Variants in NEO1 observed in about 807,000 individuals in gnomAD.
NEO1 encodes neogenin.
A neutral mutation model predicts 159.7 loss-of-function variants in NEO1; 63 were observed. The ratio of observed to expected loss-of-function variants is 0.39; its 90% CI spans 0.32 to 0.49. The LOEUF (loss-of-function observed/expected upper bound fraction) is 0.49, where lower values mean the gene tolerates loss of function less well. NEO1 is among the 20% of genes least tolerant of loss of function. NEO1 has a pLI of 0.85. For missense variants in NEO1, 1,615 were observed against 1,831.0 expected, an observed-to-expected ratio of 0.88 and a Z score of 2.15; for synonymous variants, 633 against 662.0, an observed-to-expected ratio of 0.96 and a Z score of 0.67.
chr15:73,253,394 C>G lies in NEO1; in HGVS notation c.1895-6C>G. 1 of 1,386,888 alleles carries G rather than the reference C, an allele frequency of 7.2e-7. No homozygotes were observed. Among genetic ancestry groups the G allele is most frequent in the Non-Finnish European group, 9.7e-7 (1 of 1,032,820 alleles). The allele number at this position is 1,386,888 out of a possible 1,614,324, so 85.9% of individuals were successfully genotyped here. A position where few individuals can be genotyped will look rare whatever the true frequency, so the allele number is the denominator to read the frequency against. On this transcript the variant is annotated splice_region_variant and splice_polypyrimidine_tract_variant and intron_variant, in intron 11 of 28. Transcript: ENST00000261908. Reference sequence around the variant, plus strand: ...AAAAATTTTTTTTTTTTTTTTGTTTCTCTAGTTCCCAGTGCTGCTCCTCAG... The same window carrying G: ...AAAAATTTTTTTTTTTTTTTTGTTTGTCTAGTTCCCAGTGCTGCTCCTCAG...
chr15:73,175,379 G>C (rs939474816), intron 5 of NEO1, among the ~76,000 whole-genome samples: 5 of 152,204 alleles, frequency 3.3e-5, no homozygotes, highest in Admixed American at 1.3e-4. Context: ...ATCTAACAGA[G>C]CATGAATGAG....
chr15:73,259,956 C>G (rs2040543859), intron 14 of NEO1, among the ~76,000 whole-genome samples: 2 of 152,102 alleles, frequency 1.3e-5, no homozygotes, highest in Non-Finnish European at 2.9e-5. Flanking sequence ...GAGATGGTAA[C>G]TATTGAAAGG....
chr15:73,146,338 C>T (rs1482446712), intron 5 of NEO1, among the ~76,000 whole-genome samples: 2 of 152,120 alleles, frequency 1.3e-5, no homozygotes, highest in Admixed American at 6.5e-5. Flanking sequence ...ACATATTCTC[C>T]GTACTTCTGG....
In NEO1 at chr15:73,225,178, G is replaced by A. The variant is rs114713576; in HGVS notation, c.1292-11169G>A. 9.0e-3 allele frequency among the ~76,000 whole-genome samples: 1,363 copies of A among 152,230 alleles called. 23 individuals carry two copies. Among genetic ancestry groups the A allele is most frequent in the African/African-American group, 0.031 (1,285 of 41,540 alleles). ...AACCGTCTATGGGTTTCTCAGCTGCGGATACCAGCACCTGTTCCAGTGGAG... is the reference window on the plus strand; with the variant it reads ...AACCGTCTATGGGTTTCTCAGCTGCAGATACCAGCACCTGTTCCAGTGGAG... On this transcript the variant is annotated intron_variant, in intron 7 of 28. Coordinates refer to ENST00000261908, the MANE Select transcript of NEO1 (RefSeq NM_002499.4).
In NEO1 at chr15:73,077,952, G is replaced by A. The variant is rs866646899; in HGVS notation, c.130+25147G>A. Among the ~76,000 whole-genome samples the A allele has an allele frequency of 2.0e-5, 3 of 152,294 alleles. No individual in the cohort carries two copies. The South Asian group carries it at 6.2e-4, about 32-fold the overall frequency. On this transcript the variant is annotated intron_variant, in intron 1 of 28. Transcript: ENST00000261908. Reference sequence around the variant, plus strand: ...GCAGGATGTTGGCCCTGGCTTAGCAGTGGAGACAGACCTATGGCGATGGGA... The same window carrying A: ...GCAGGATGTTGGCCCTGGCTTAGCAATGGAGACAGACCTATGGCGATGGGA...
At chr15:73,299,624 A>G (rs746946177) in intron 27 of NEO1, among the ~76,000 whole-genome samples, 46 of 152,300 alleles carry the variant, frequency 3.0e-4, no homozygotes, top group Non-Finnish European at 4.7e-4. Context: ...TGACCTCGTG[A>G]TCCGCCCACC....
intron 1 of NEO1, among the ~76,000 whole-genome samples, chr15:73,083,299 A>G (rs1356413324): frequency 6.6e-6 from 1 of 152,182 alleles, no homozygotes; most frequent in Non-Finnish European, 1.5e-5. Flanking sequence ...AGGCTGCCAT[A>G]TTTCAAATAT....
chr15:73,229,023 A>T (rs979101694), intron 7 of NEO1, among the ~76,000 whole-genome samples: 1 of 152,094 alleles, frequency 6.6e-6, no homozygotes, highest in Non-Finnish European at 1.5e-5. Context: ...GAAATCCTCC[A>T]ACTTTTTTTG....
intron 16 of NEO1, among the ~76,000 whole-genome samples, chr15:73,267,401 T>TA (rs1415090411): frequency 6.6e-6 from 1 of 152,218 alleles, no homozygotes; most frequent in Non-Finnish European, 1.5e-5. Flanking sequence ...TTCTTTTTTT[T>TA]ATTATACTTT....
chr15:73,093,772 T>C (rs866359086), intron 1 of NEO1, among the ~76,000 whole-genome samples: 23 of 152,012 alleles, frequency 1.5e-4, no homozygotes, highest in Admixed American at 1.3e-4. Flanking sequence ...AGAGACAGGG[T>C]TTCGCCATGC....
intron 5 of NEO1, among the ~76,000 whole-genome samples, chr15:73,167,655 T>A (rs951780797): frequency 2.6e-5 from 4 of 152,246 alleles, no homozygotes; most frequent in Non-Finnish European, 5.9e-5. Context: ...TTAGATGTTG[T>A]GTATACATAC....
chr15:73,299,264 A>T (rs549408155), intron 27 of NEO1, among the ~76,000 whole-genome samples: 1 of 152,368 alleles, frequency 6.6e-6, no homozygotes, highest in South Asian at 2.1e-4. Flanking sequence ...GGTTATATCT[A>T]TCAATATTTA....
At chr15:73,160,463 G>A (rs931796946) in intron 5 of NEO1, among the ~76,000 whole-genome samples, 7 of 152,088 alleles carry the variant, frequency 4.6e-5, no homozygotes, top group African/African-American at 1.7e-4. Flanking sequence ...TGGCACTGGA[G>A]AGAGTGTCAT....
At chr15:73,124,947 TA>T (rs914143708) in intron 3 of NEO1, among the ~76,000 whole-genome samples, 6 of 152,034 alleles carry the variant, frequency 3.9e-5, no homozygotes, top group African/African-American at 1.4e-4. Flanking sequence ...CAAGTTGAAT[TA>T]AAAAAAAGAA....
intron 7 of NEO1, among the ~76,000 whole-genome samples, chr15:73,184,178 G>A (rs181969933): frequency 1.5e-4 from 22 of 151,314 alleles, no homozygotes; most frequent in South Asian, 4.2e-4. Context: ...TTTTTGAGAC[G>A]GAGTTTCACT....
chr15:73,270,715 G>C (rs1187134518), intron 18 of NEO1, among the ~76,000 whole-genome samples: 5 of 152,232 alleles, frequency 3.3e-5, no homozygotes, highest in African/African-American at 4.8e-5. Flanking sequence ...TGCTTTACTG[G>C]TAAACTGAGA....
At chr15:73,136,403 G>A (rs990396898) in intron 5 of NEO1, among the ~76,000 whole-genome samples, 1 of 152,094 alleles carries the variant, frequency 6.6e-6, no homozygotes, top group Non-Finnish European at 1.5e-5. Flanking sequence ...GGTGGTGGTG[G>A]TGACAGGAAG....
chr15:73,286,067 T>TCCCCCC (rs2041932982), intron 23 of NEO1, among the ~76,000 whole-genome samples: 5 of 128,610 alleles, frequency 3.9e-5, no homozygotes, highest in Admixed American at 8.4e-5. Flanking sequence ...AATTATAACC[T>TCCCCCC]CACCCCCACC....
intron 23 of NEO1, among the ~76,000 whole-genome samples, chr15:73,287,604 A>C (rs565237538): frequency 4.6e-5 from 7 of 152,224 alleles, no homozygotes; most frequent in Non-Finnish European, 1.0e-4. Context: ...TGTTCCGGCC[A>C]GGTACAGTGG....
Sources: allele counts gnomAD v4.1 joint callset (sites outside exome capture counted in the v4.1 genomes callset), GRCh38; gene constraint gnomAD v4.1.1; transcripts MANE v1.5; gene names NCBI Gene and HGNC (gene_info 2026-07-23, HGNC 2026-07-21).